The following MTSS1 variants were observed in gnomAD, a reference collection of about 807,000 sequenced individuals.
MTSS1 encodes the protein protein MTSS 1.
MTSS1 carries 18 observed loss-of-function variants against 79.0 expected under a neutral mutation model. The observed-to-expected ratio is 0.23, with a 90% CI of 0.16 to 0.34. The LOEUF is 0.34. MTSS1 is among the 10% of genes least tolerant of loss of function. The pLI is 1.00. For synonymous variants in MTSS1, 341 were observed against 368.6 expected (o/e 0.93, Z 0.86); for missense variants, 815 against 986.2 (o/e 0.83, Z 2.33).
chr8:124,567,313 C>A (rs1826705929), intron 7 of MTSS1, 135 bp from the exon 8 acceptor site: 2 of 765,552 alleles, frequency 2.6e-6, no homozygotes, highest in Admixed American at 5.7e-5. Context: ...ACTGGCAAAT[C>A]TTTGCTGAAG....
At chr8:124,674,630 C>T (rs550251740) in intron 3 of MTSS1, among the ~76,000 whole-genome samples, 3 of 152,276 alleles carry the variant, frequency 2.0e-5, no homozygotes, top group South Asian at 2.1e-4. Context: ...AGGCAGAAGC[C>T]ACCACGCCCG....
intron 3 of MTSS1, among the ~76,000 whole-genome samples, chr8:124,603,338 C>T (rs1161077358): frequency 6.6e-6 from 1 of 152,248 alleles, no homozygotes; most frequent in Admixed American, 6.5e-5. Context: ...GCATCCCACT[C>T]TTGCCTTTAA....
chr8:124,587,391 C>T (rs1831049918), intron 5 of MTSS1, among the ~76,000 whole-genome samples: 1 of 152,210 alleles, frequency 6.6e-6, no homozygotes, highest in Non-Finnish European at 1.5e-5. Flanking sequence ...TCCCGTGAGC[C>T]TAAGAAAATT....
At position 124,553,703 on chromosome 8, in the gene MTSS1, G is replaced by A; in HGVS notation, c.1568-11C>T. 6.3e-7 allele frequency: 1 copy of A among 1,591,936 alleles called. No homozygotes were observed. On this transcript the variant is annotated splice_polypyrimidine_tract_variant and intron_variant, in intron 13 of 13. Transcript: ENST00000518547. This position sits in a 1 kb window ranked among gnomAD's most constrained non-coding sequence, Gnocchi z 6.0. ...AATCATAATCTGAAACTGATTATAG[G>A]ATTTGATTAGACATATTCAAGACAG...
chr8:124,560,642 C>A (rs551720538), intron 10 of MTSS1, among the ~76,000 whole-genome samples: 1 of 152,138 alleles, frequency 6.6e-6, no homozygotes, highest in Non-Finnish European at 1.5e-5. Context: ...CAGAGTGAGA[C>A]CCTGTCTCAA....
At chr8:124,581,369 C>A (rs893978118) in intron 6 of MTSS1, among the ~76,000 whole-genome samples, 2 of 151,624 alleles carry the variant, frequency 1.3e-5, no homozygotes, top group Non-Finnish European at 2.9e-5. Context: ...ATAATAAGTA[C>A]CTAATGAATG....
intron 3 of MTSS1, among the ~76,000 whole-genome samples, chr8:124,672,339 C>T (rs961010554): frequency 3.3e-5 from 5 of 152,000 alleles, no homozygotes; most frequent in African/African-American, 7.2e-5. Flanking sequence ...ACCAAAAATA[C>T]AAAAATTAGC....
In MTSS1 at chr8:124,728,220, C is replaced by G; in HGVS notation, c.-265G>C. On this transcript the variant is annotated 5_prime_UTR_variant, in exon 1 of 14. Transcript: ENST00000518547. This position sits in a 1 kb window ranked among gnomAD's most constrained non-coding sequence, Gnocchi z 6.1. The stretch of plus-strand genomic sequence containing the variant: ...TGGCCTTAAAAATGCCGGGAGAAGA[C>G]TGACAATCAGGCCACCACTGGTGCC... 1 of 343,362 alleles carries G rather than the reference C, an allele frequency of 2.9e-6. No individual in the cohort carries two copies. Among genetic ancestry groups the G allele is most frequent in the Non-Finnish European group, 5.2e-6 (1 of 191,286 alleles). The allele number at this position is 343,362 out of a possible 1,614,324, so 21.3% of individuals were successfully genotyped here. A position where few individuals can be genotyped will look rare whatever the true frequency, so the allele number is the denominator to read the frequency against.
At chr8:124,614,539 G>A (rs1021112612) in intron 3 of MTSS1, among the ~76,000 whole-genome samples, 1 of 152,240 alleles carries the variant, frequency 6.6e-6, no homozygotes, top group Non-Finnish European at 1.5e-5. Context: ...ACTTCACAAA[G>A]AGGCGCAGGA....
chr8:124,644,345 C>G (rs1033983310), intron 3 of MTSS1, among the ~76,000 whole-genome samples: 5 of 152,232 alleles, frequency 3.3e-5, no homozygotes, highest in Admixed American at 3.3e-4. Context: ...CAATTGCCAG[C>G]TAGACAGTAG....
chr8:124,703,085 A>T (rs931308864), intron 2 of MTSS1, among the ~76,000 whole-genome samples: 5 of 152,038 alleles, frequency 3.3e-5, no homozygotes, highest in African/African-American at 1.2e-4. Flanking sequence ...ATTTTTAGTA[A>T]ATTTGGAGTT....
chr8:124,558,016 G>T, intron 10 of MTSS1, 141 bp from the exon 11 acceptor site: 1 of 665,292 alleles, frequency 1.5e-6, no homozygotes, highest in South Asian at 2.1e-5. Context: ...GGGCTCTGCT[G>T]CTCACGGATG....
At chr8:124,701,602 T>C (rs532654429) in intron 2 of MTSS1, among the ~76,000 whole-genome samples, 4 of 152,228 alleles carry the variant, frequency 2.6e-5, no homozygotes, top group Non-Finnish European at 4.4e-5. Flanking sequence ...AATGGCTGGA[T>C]TTATTCTCAT....
At chr8:124,695,335 T>TAA (rs33998723) in intron 3 of MTSS1, among the ~76,000 whole-genome samples, 39,912 of 144,562 alleles carry the variant, frequency 0.28, 5,544 homozygotes, top group East Asian at 0.51. Flanking sequence ...TCAAGAGGGA[T>TAA]AAAAAAAAAA....
intron 1 of MTSS1, among the ~76,000 whole-genome samples, chr8:124,708,145 A>G (rs147003117): frequency 2.6e-4 from 40 of 152,358 alleles, no homozygotes; most frequent in African/African-American, 9.1e-4. Flanking sequence ...CAGAAGCCCA[A>G]TCTCTTGGAT....
In MTSS1 at chr8:124,556,732, C is replaced by T. The variant is rs182954506; in HGVS notation, c.1231-327G>A. Among the ~76,000 whole-genome samples, 417 of 152,380 alleles carry T rather than the reference C, an allele frequency of 2.7e-3. 1 individual carries two copies. Among genetic ancestry groups the T allele is most frequent in the African/African-American group, 9.6e-3 (399 of 41,598 alleles). On this transcript the variant is annotated intron_variant, in intron 11 of 13. Transcript: ENST00000518547. ...GGGGACCCACCAGTGGGCAGTACAT[C>T]GTGCTTCTCCTGTCTGAAGGGACCA...
At chr8:124,714,118 C>T (rs1831563957) in intron 1 of MTSS1, among the ~76,000 whole-genome samples, 1 of 152,192 alleles carries the variant, frequency 6.6e-6, no homozygotes, top group African/African-American at 2.4e-5. Context: ...TATGGTTAGT[C>T]ACTGCCTGCA....
chr8:124,641,135 T>A (rs1473266641), intron 3 of MTSS1, among the ~76,000 whole-genome samples: 8 of 150,770 alleles, frequency 5.3e-5, no homozygotes, highest in Non-Finnish European at 1.0e-4. Flanking sequence ...GGAGGGGACA[T>A]GGCAGGGGAC....
chr8:124,710,777 A>G (rs1002140908), intron 1 of MTSS1, among the ~76,000 whole-genome samples: 1 of 152,142 alleles, frequency 6.6e-6, no homozygotes, highest in African/African-American at 2.4e-5. Flanking sequence ...GGGACAGCTG[A>G]GGGAATTCAA....
Sources: allele counts gnomAD v4.1 joint callset (sites outside exome capture counted in the v4.1 genomes callset), GRCh38; gene constraint gnomAD v4.1.1; non-coding constraint Gnocchi (gnomAD v3.1); transcripts MANE v1.5; gene names NCBI Gene and HGNC (gene_info 2026-07-23, HGNC 2026-07-21).